The following ARHGEF7 variants were observed in gnomAD, a reference collection of about 807,000 sequenced individuals.
The protein encoded by ARHGEF7 is PAK-interacting exchange factor beta.
In ARHGEF7, 33 loss-of-function variants were observed where a neutral mutation model predicts 109.8. The observed-to-expected ratio is 0.30, with a 90% confidence interval of 0.23 to 0.40. ARHGEF7 has a LOEUF of 0.40. ARHGEF7 is among the 10% of genes least tolerant of loss of function. The pLI, the probability that ARHGEF7 is intolerant of heterozygous loss-of-function variation, is 1.00. For synonymous variants in ARHGEF7, 458 were observed against 424.6 expected (o/e 1.08, Z -0.97); for missense variants, 938 against 1,098.5 (o/e 0.85, Z 2.07).
At chr13:111,202,413 C>T (rs1164589913) in intron 2 of ARHGEF7, among the ~76,000 whole-genome samples, 1 of 152,220 alleles carries the variant, frequency 6.6e-6, no homozygotes, top group African/African-American at 2.4e-5. Context: ...TACAGCCCCC[C>T]AGGAGGTCTT....
intron 17 of ARHGEF7, among the ~76,000 whole-genome samples, chr13:111,287,788 G>A (rs1192187721): frequency 6.6e-6 from 1 of 152,246 alleles, no homozygotes; most frequent in Non-Finnish European, 1.5e-5. Flanking sequence ...AGGTAGCACA[G>A]CACCCTGAGC....
intron 1 of ARHGEF7, among the ~76,000 whole-genome samples, chr13:111,130,976 G>A (rs551674906): frequency 3.9e-5 from 6 of 152,356 alleles, no homozygotes; most frequent in East Asian, 1.9e-4. Flanking sequence ...CCGAGGGGAC[G>A]CGGAGAGACA....
intron 2 of ARHGEF7, among the ~76,000 whole-genome samples, chr13:111,162,468 ACT>A (rs2076820151): frequency 6.6e-6 from 1 of 152,142 alleles, no homozygotes; most frequent in South Asian, 2.1e-4. Flanking sequence ...TTCTTGGGCC[ACT>A]CTGTACAAGC....
rs2093299771 is a variant in ARHGEF7, at chr13:111,291,917, G to T, written c.2135-201G>T. Among the ~76,000 whole-genome samples, 3 of 152,144 alleles carry T rather than the reference G, an allele frequency of 2.0e-5. No individual in the cohort carries two copies. In the South Asian group the frequency reaches 6.2e-4, roughly 32 times the overall value. On this transcript the variant is annotated intron_variant, in intron 18 of 21. Coordinates refer to ENST00000646102, the MANE Select transcript of ARHGEF7 (RefSeq NM_001354046.2). ...TAATCGATCTAGTTTTATTCTAAGG[G>T]TTTTGCTAAGTTCGTTATTGTGAAA...
intron 2 of ARHGEF7, among the ~76,000 whole-genome samples, chr13:111,176,786 C>A (rs1164956461): frequency 6.6e-6 from 1 of 152,192 alleles, no homozygotes; most frequent in Non-Finnish European, 1.5e-5. Context: ...AGATGGAGTT[C>A]ACTCTTGTCA....
chr13:111,253,392 G>A (rs1424418529), intron 8 of ARHGEF7, among the ~76,000 whole-genome samples: 1 of 152,164 alleles, frequency 6.6e-6, no homozygotes, highest in Non-Finnish European at 1.5e-5. Flanking sequence ...ATAGAAAGGA[G>A]GTTAAATTCT....
intron 1 of ARHGEF7, among the ~76,000 whole-genome samples, chr13:111,133,928 A>G (rs1271656762): frequency 1.3e-5 from 2 of 150,702 alleles, no homozygotes; most frequent in Non-Finnish European, 3.0e-5. Flanking sequence ...CATTAGGTAT[A>G]TCTCCTAATG....
In ARHGEF7 at chr13:111,115,557, C is replaced by CTCA; in HGVS notation, c.35_37dup (p.Ile12dup). 3 of 1,420,086 alleles carry CTCA rather than the reference C, an allele frequency of 2.1e-6. No homozygotes were observed. The highest frequency in any genetic ancestry group is 2.8e-6 in the Non-Finnish European group (3 of 1,069,326). The allele number at this position is 1,420,086 out of a possible 1,614,324, so 88.0% of individuals were successfully genotyped here. A position where few individuals can be genotyped will look rare whatever the true frequency, so the allele number is the denominator to read the frequency against. On this transcript the variant is annotated inframe_insertion, in exon 1 of 22. Coordinates refer to ENST00000646102, the MANE Select transcript of ARHGEF7 (RefSeq NM_001354046.2). ...TTCCGCCGAGCAAACCGTTACGTGG[C>CTCA]TCATCACTCTGGGGGTGCTGGAGTC...
chr13:111,201,087 C>T (rs2081162476), intron 2 of ARHGEF7, among the ~76,000 whole-genome samples: 1 of 152,160 alleles, frequency 6.6e-6, no homozygotes, highest in Non-Finnish European at 1.5e-5. Context: ...AGGACTTGAT[C>T]CCCAGGCTTG....
In ARHGEF7 at chr13:111,273,977, T is replaced by G. The variant is rs774350578; in HGVS notation, c.1212+25T>G. ...GGTACTGCGCTTTCATTCTCTTACT[T>G]GGAGTCCTTACCAAGGGTTAGTGGC... On this transcript the variant is annotated intron_variant, in intron 10 of 21. Coordinates refer to ENST00000646102, the MANE Select transcript of ARHGEF7 (RefSeq NM_001354046.2). The surrounding 1 kb of genome is among the most constrained non-coding windows in gnomAD (Gnocchi z 4.5). 19 of 1,611,144 alleles carry G rather than the reference T, an allele frequency of 1.2e-5. No individual in the cohort carries two copies. Among genetic ancestry groups the G allele is most frequent in the Non-Finnish European group, 1.6e-5 (19 of 1,177,664 alleles).
In ARHGEF7 at chr13:111,131,157, G is replaced by T. The variant is rs920059666; in HGVS notation, c.165+15466G>T. Among the ~76,000 whole-genome samples the T allele has an allele frequency of 2.6e-5, 4 of 152,206 alleles. No individual in the cohort carries two copies. The highest frequency in any genetic ancestry group is 9.6e-5 in the African/African-American group (4 of 41,456). ...GCCCAGGATGGAGGATGTGAAGATG[G>T]TTATGAAACTCCCACGGTTGCCCAT... On this transcript the variant is annotated intron_variant, in intron 1 of 21. Transcript: ENST00000646102. The surrounding 1 kb of genome is among the most constrained non-coding windows in gnomAD (Gnocchi z 4.4).
intron 19 of ARHGEF7, among the ~76,000 whole-genome samples, chr13:111,298,041 G>A (rs1371046221): frequency 6.6e-6 from 1 of 152,188 alleles, no homozygotes; most frequent in Non-Finnish European, 1.5e-5. Context: ...CAACTGTCTG[G>A]GCTCAAAGCA....
intron 2 of ARHGEF7, among the ~76,000 whole-genome samples, chr13:111,180,380 G>A (rs1027553501): frequency 6.6e-6 from 1 of 152,202 alleles, no homozygotes; most frequent in Non-Finnish European, 1.5e-5. Context: ...GTGAATAGAA[G>A]GAAGTTGATT....
At chr13:111,192,334 A>G (rs1450696978) in intron 2 of ARHGEF7, among the ~76,000 whole-genome samples, 1 of 152,110 alleles carries the variant, frequency 6.6e-6, no homozygotes, top group Non-Finnish European at 1.5e-5. Context: ...GAGGGGAGAG[A>G]TTTGACCAAC....
At chr13:111,295,132 T>G in intron 19 of ARHGEF7, 1 of 984,200 alleles carries the variant, frequency 1.0e-6, no homozygotes, top group Non-Finnish European at 1.2e-6. Flanking sequence ...GGCAATGAAG[T>G]GTTTGTTTTA....
At chr13:111,292,419 A>T (rs1222091198) in intron 19 of ARHGEF7, 125 bp downstream of exon 19, 2 of 1,495,648 alleles carry the variant, frequency 1.3e-6, no homozygotes, top group Non-Finnish European at 1.8e-6. Flanking sequence ...TGTCTCTTTT[A>T]TGTGATATTT....
At chr13:111,277,011 G>C (rs927569318) in intron 12 of ARHGEF7, among the ~76,000 whole-genome samples, 1 of 152,174 alleles carries the variant, frequency 6.6e-6, no homozygotes, top group African/African-American at 2.4e-5. Flanking sequence ...TAAACCAGGT[G>C]ATGTTTATGG....
intron 2 of ARHGEF7, among the ~76,000 whole-genome samples, chr13:111,205,029 C>T (rs2081633659): frequency 6.6e-6 from 1 of 150,796 alleles, no homozygotes; most frequent in African/African-American, 2.4e-5. Context: ...TGAATGAGCT[C>T]ACACTCCAGA....
chr13:111,265,076 A>G (rs1435999843), intron 8 of ARHGEF7, among the ~76,000 whole-genome samples: 4 of 137,578 alleles, frequency 2.9e-5, no homozygotes, highest in East Asian at 2.3e-4. Flanking sequence ...GTGAGCTGAG[A>G]TGGTGCCATT....
Sources: gnomAD v4.1 joint callset for allele counts (sites outside exome capture counted in the v4.1 genomes callset) on GRCh38, gnomAD v4.1.1 for gene constraint, Gnocchi (gnomAD v3.1) non-coding constraint, MANE v1.5 for transcripts, NCBI Gene and HGNC (gene_info 2026-07-23, HGNC 2026-07-21) for gene names.